The following DHX57 variants were observed in gnomAD, a reference collection of about 807,000 sequenced individuals.
The protein encoded by DHX57 is DExH-box helicase 57.
Under a neutral mutation model 156.2 loss-of-function variants are expected in DHX57, and 105 were observed. The observed-to-expected ratio is 0.67, with a 90% confidence interval of 0.57 to 0.79. The LOEUF is 0.79. Ranked by LOEUF, DHX57 falls within the 30% of genes least tolerant of loss-of-function variation. The probability of loss-of-function intolerance (pLI) is 0.00; values close to 1 mark genes in which losing one functional copy is unlikely to be tolerated. For synonymous variants in DHX57, 704 were observed against 595.6 expected, an observed-to-expected ratio of 1.18 and a Z score of -2.65; for missense variants, 1,847 against 1,661.9, an observed-to-expected ratio of 1.11 and a Z score of -1.94.
At chr2:38,860,764 G>C (rs566122578) in intron 5 of DHX57, among the ~76,000 whole-genome samples, 2 of 152,252 alleles carry the variant, frequency 1.3e-5, no homozygotes, top group African/African-American at 4.8e-5. Context: ...TTAAACATAC[G>C]TCACTACAAA....
At chr2:38,815,432 T>C (rs1051765574) in intron 20 of DHX57, 89 bp downstream of exon 20, 1 of 1,540,650 alleles carries the variant, frequency 6.5e-7, no homozygotes, top group East Asian at 2.3e-5. Context: ...AAGGCTTAAG[T>C]GAAGAAGAAT....
At chr2:38,825,670 A>G (rs1259304906) in intron 16 of DHX57, among the ~76,000 whole-genome samples, 177 bp downstream of exon 16, 1 of 152,192 alleles carries the variant, frequency 6.6e-6, no homozygotes, top group Non-Finnish European at 1.5e-5. Context: ...TTATGTGCAG[A>G]AATTTAAAAG....
intron 15 of DHX57, 151 bp from the exon 16 acceptor site, chr2:38,826,198 G>A: frequency 1.2e-6 from 1 of 861,654 alleles, no homozygotes; most frequent in Admixed American, 2.9e-5. Context: ...GGTAGGAGCA[G>A]CTAGTGCTGA....
At chr2:38,832,630 C>G (rs1225185592) in intron 13 of DHX57, among the ~76,000 whole-genome samples, 2 of 151,398 alleles carry the variant, frequency 1.3e-5, no homozygotes, top group Non-Finnish European at 2.9e-5. Context: ...ACTGCAATCT[C>G]CACATCCTGG....
chr2:38,813,714 C>A, intron 21 of DHX57, 107 bp downstream of exon 21: 4 of 1,309,750 alleles, frequency 3.1e-6, no homozygotes, highest in South Asian at 1.2e-5. Context: ...TGTGTGCACA[C>A]ATGCGTATAT....
intron 13 of DHX57, among the ~76,000 whole-genome samples, chr2:38,830,519 T>G (rs1469838008): frequency 1.3e-5 from 2 of 152,014 alleles, no homozygotes; most frequent in East Asian, 1.9e-4. Flanking sequence ...TCCCAGCTAC[T>G]TGGGAGGCTG....
At chr2:38,799,101 C>T (rs1185917707) in intron 23 of DHX57, among the ~76,000 whole-genome samples, 6 of 152,254 alleles carry the variant, frequency 3.9e-5, no homozygotes, top group East Asian at 3.9e-4. Flanking sequence ...CGGTGGCTCA[C>T]GCCTGTAATC....
chr2:38,854,657 G>A (rs1672789242), intron 8 of DHX57: 2 of 173,502 alleles, frequency 1.2e-5, no homozygotes, highest in Admixed American at 1.2e-4. Flanking sequence ...CGTCTCCCAG[G>A]TTCAAGGGAT....
At chr2:38,821,698 C>T (rs537513333) in intron 17 of DHX57, among the ~76,000 whole-genome samples, 1 of 151,516 alleles carries the variant, frequency 6.6e-6, no homozygotes, top group Non-Finnish European at 1.5e-5. Flanking sequence ...ATCTCAAAAA[C>T]AAAAAATAAA....
intron 19 of DHX57, among the ~76,000 whole-genome samples, chr2:38,817,402 T>G (rs1462007087): frequency 6.6e-6 from 1 of 151,966 alleles, no homozygotes; most frequent in African/African-American, 2.4e-5. Flanking sequence ...GAAACCTTCA[T>G]CTCCTGGGTT....
intron 12 of DHX57, chr2:38,838,786 T>G (rs1267205989): frequency 2.2e-6 from 1 of 456,526 alleles, no homozygotes; most frequent in Admixed American, 2.4e-5. Context: ...GAAAAATAAA[T>G]GTGATTGTAA....
At chr2:38,828,466 G>C in intron 13 of DHX57, 30 bp from the exon 14 acceptor site, 1 of 1,506,100 alleles carries the variant, frequency 6.6e-7, no homozygotes, top group Non-Finnish European at 9.1e-7. Context: ...CAATATGTGG[G>C]TAAGCATAGG....
chr2:38,815,760 A>G, intron 19 of DHX57, 105 bp from the exon 20 acceptor site: 4 of 1,401,340 alleles, frequency 2.9e-6, no homozygotes, highest in Non-Finnish European at 3.9e-6. Flanking sequence ...GGGGGTAGCA[A>G]TGAGGCTCAA....
Position 38,852,740 on chromosome 2 carries a change from C to T in DHX57, c.2030+1314G>A, listed in dbSNP as rs546515848. Among the ~76,000 whole-genome samples, 20 of 151,592 alleles carry T rather than the reference C, an allele frequency of 1.3e-4. 1 individual carries two copies. The South Asian group carries it at 4.2e-3, about 32-fold the overall frequency. ...AGCAATCCTCCTGCCTCAGCCTCCT[C>T]AGTAGCTGGAACTACAAGCATGCAC... is the stretch of plus-strand genomic sequence containing the variant. On this transcript the variant is annotated intron_variant, in intron 9 of 23. Coordinates refer to ENST00000457308, the MANE Select transcript of DHX57 (RefSeq NM_198963.3).
chr2:38,810,106 G>A (rs773546135), intron 21 of DHX57, among the ~76,000 whole-genome samples: 2 of 151,844 alleles, frequency 1.3e-5, no homozygotes, highest in African/African-American at 2.4e-5. Flanking sequence ...TGTTGGCCAG[G>A]CTGGTCTCAA....
chr2:38,848,261 T>A lies in DHX57; in HGVS notation c.2164+8A>T. ...AATGATACATATTTAATGATGCATT[T>A]TATTCACCTGGTATAGTAATAACGG... On this transcript the variant is annotated splice_region_variant and intron_variant, in intron 10 of 23. Coordinates refer to ENST00000457308, the MANE Select transcript of DHX57 (RefSeq NM_198963.3). 1 of 1,575,850 alleles carries A rather than the reference T, an allele frequency of 6.3e-7. No homozygotes were observed. Among genetic ancestry groups the A allele is most frequent in the Non-Finnish European group, 8.6e-7 (1 of 1,165,910 alleles).
intron 19 of DHX57, 195 bp from the exon 20 acceptor site, chr2:38,815,850 G>A: frequency 1.6e-6 from 1 of 631,556 alleles, no homozygotes; most frequent in Non-Finnish European, 2.7e-6. Context: ...AAACTGGCAG[G>A]CAAACTGAAA....
intron 6 of DHX57, 68 bp downstream of exon 6, chr2:38,858,593 C>T: frequency 6.6e-7 from 1 of 1,513,600 alleles, no homozygotes; most frequent in Non-Finnish European, 8.8e-7. Context: ...GCCAAAGCTC[C>T]CTAATTCCTA....
intron 3 of DHX57, 71 bp from the exon 4 acceptor site, chr2:38,862,404 T>C (rs1673282575): frequency 7.3e-7 from 1 of 1,376,414 alleles, no homozygotes; most frequent in Non-Finnish European, 9.6e-7. Context: ...TTAGCAAAGG[T>C]CTAAGAATTT....
Sources: gnomAD v4.1 joint callset for allele counts (sites outside exome capture counted in the v4.1 genomes callset) on GRCh38, gnomAD v4.1.1 for gene constraint, MANE v1.5 for transcripts, NCBI Gene and HGNC (gene_info 2026-07-23, HGNC 2026-07-21) for gene names.